The following SASH1 variants were observed in gnomAD, a reference collection of about 807,000 sequenced individuals.
SASH1 encodes SAM and SH3 domain-containing protein 1.
A neutral mutation model predicts 125.2 loss-of-function variants in SASH1; 44 were observed. That is an observed-to-expected ratio of 0.35 (90% confidence interval 0.28 to 0.45). The LOEUF (loss-of-function observed/expected upper bound fraction) is 0.45. SASH1 is among the 20% of genes least tolerant of loss of function. The pLI, the probability that SASH1 is intolerant of heterozygous loss-of-function variation, is 1.00. For missense variants in SASH1, 1,426 were observed against 1,614.5 expected, an observed-to-expected ratio of 0.88 and a Z score of 2.00; for synonymous variants, 639 against 649.1, an observed-to-expected ratio of 0.98 and a Z score of 0.24.
intron 1 of SASH1, among the ~76,000 whole-genome samples, chr6:148,303,012 A>G (rs1780014588): frequency 6.6e-6 from 1 of 151,688 alleles, no homozygotes; most frequent in African/African-American, 2.4e-5. Context: ...CGGAGTTTTG[A>G]TCTTGTTGCT....
chr6:148,322,900 C>CTTTCTTTCTTTCTT (rs1443698620), intron 1 of SASH1, among the ~76,000 whole-genome samples: 1 of 129,268 alleles, frequency 7.7e-6, no homozygotes, highest in Non-Finnish European at 1.7e-5. Context: ...TTCTTTCTTT[C>CTTTCTTTCTTTCTT]TCTCTCTTTC....
intron 5 of SASH1, 116 bp from the exon 6 acceptor site, chr6:148,471,301 A>G (rs1778095004): frequency 3.0e-6 from 2 of 665,134 alleles, no homozygotes; most frequent in South Asian, 4.2e-5. Context: ...CTTTTGTGAA[A>G]TCAAAGTATT....
At chr6:148,527,666 A>T in intron 12 of SASH1, 70 bp downstream of exon 12, 1 of 1,472,378 alleles carries the variant, frequency 6.8e-7, no homozygotes, top group African/African-American at 1.4e-5. Flanking sequence ...GGCCCTTCTG[A>T]GATTTTAAAT....
intron 4 of SASH1, among the ~76,000 whole-genome samples, chr6:148,456,768 G>A (rs1165569738): frequency 2.0e-5 from 3 of 151,804 alleles, no homozygotes; most frequent in African/African-American, 7.3e-5. Context: ...GGCTGAGGAG[G>A]TGGGAGGATC....
chr6:148,525,967 T>C (rs1047815651), intron 11 of SASH1, among the ~76,000 whole-genome samples: 1 of 151,586 alleles, frequency 6.6e-6, no homozygotes, highest in African/African-American at 2.4e-5. Context: ...GGTCATAGTC[T>C]AGGGACAGGC....
At chr6:148,388,337 T>G (rs962859157) in intron 1 of SASH1, among the ~76,000 whole-genome samples, 1 of 152,166 alleles carries the variant, frequency 6.6e-6, no homozygotes, top group Non-Finnish European at 1.5e-5. Flanking sequence ...TTTGTTATTT[T>G]TCTACTGGAC....
intron 7 of SASH1, among the ~76,000 whole-genome samples, chr6:148,477,544 G>GGGAT (rs144921774): frequency 0.4 from 61,162 of 151,344 alleles, 13,376 homozygotes; most frequent in East Asian, 0.64. Flanking sequence ...ATGGCTTTGT[G>GGGAT]GGATGGAGTC....
the SASH1 span, among the ~76,000 whole-genome samples, chr6:148,215,761 C>T: frequency 6.6e-6 from 1 of 152,174 alleles, no homozygotes; most frequent in Non-Finnish European, 1.5e-5. Flanking sequence ...AGTCAACTTG[C>T]TGTGCTTGCT....
chr6:148,491,522 G>A (rs555757764), intron 8 of SASH1, among the ~76,000 whole-genome samples: 2 of 152,210 alleles, frequency 1.3e-5, no homozygotes, highest in East Asian at 1.9e-4. Flanking sequence ...CACCCGCCTC[G>A]GCCTACCAAA....
At chr6:148,305,956 G>A (rs1325143237) in intron 1 of SASH1, among the ~76,000 whole-genome samples, 3 of 152,224 alleles carry the variant, frequency 2.0e-5, no homozygotes, top group Non-Finnish European at 4.4e-5. Flanking sequence ...ATGAGTGCTT[G>A]AGGTGATGAG....
intron 1 of SASH1, among the ~76,000 whole-genome samples, chr6:148,304,552 G>A (rs1780071671): frequency 6.6e-6 from 1 of 152,030 alleles, no homozygotes; most frequent in African/African-American, 2.4e-5. Flanking sequence ...AGAGGTTGCA[G>A]TGAGCCGAGA....
chr6:148,237,020 A>C, the SASH1 span, among the ~76,000 whole-genome samples: 1 of 152,162 alleles, frequency 6.6e-6, no homozygotes, highest in Admixed American at 6.5e-5. Context: ...GGGCCCCTTG[A>C]CCTTGGACTT....
At chr6:148,342,509 A>G (rs2114629817), upstream of SASH1, 1 of 152,264 alleles carries the variant, frequency 6.6e-6, no homozygotes, top group African/African-American at 2.4e-5. Flanking sequence ...TTTCCATGCA[A>G]AGAGCCTGAC....
At chr6:148,387,116 TC>T (rs1783404255) in intron 1 of SASH1, among the ~76,000 whole-genome samples, 1 of 130,098 alleles carries the variant, frequency 7.7e-6, no homozygotes. Context: ...TTCTTTCTTT[TC>T]TTTTTTTTTT....
chr6:148,535,369 T>C (rs754694216), intron 16 of SASH1, among the ~76,000 whole-genome samples: 2 of 152,172 alleles, frequency 1.3e-5, no homozygotes, highest in East Asian at 1.9e-4. Context: ...CAGCAGGCCA[T>C]TGGGACAGCT....
At chr6:148,434,063 ATTTTTTTTTTTTTTTTTT>A (rs758854072) in intron 2 of SASH1, among the ~76,000 whole-genome samples, 39 of 69,426 alleles carry the variant, frequency 5.6e-4, no homozygotes, top group African/African-American at 1.7e-3. Context: ...GGAACTGGAG[ATTTTTTTTTTTTTTTTTT>A]TTTTTTTTTT....
the SASH1 span, among the ~76,000 whole-genome samples, chr6:148,218,603 CAGA>C: frequency 6.6e-6 from 1 of 152,152 alleles, no homozygotes; most frequent in African/African-American, 2.4e-5. Context: ...GCTCTGGTGG[CAGA>C]AGGAGAGCTG....
At chr6:148,396,459 A>G (rs1783954194) in intron 2 of SASH1, among the ~76,000 whole-genome samples, 1 of 131,616 alleles carries the variant, frequency 7.6e-6, no homozygotes, top group East Asian at 2.4e-4. Context: ...CCTGGGTGCC[A>G]GAGTGAGACT....
In SASH1 at chr6:148,320,424, A is replaced by G. The variant is rs75516260; in HGVS notation, n.74+48047A>G. ...ACCTTCACATTAGTGAAGTGTTCCA[A>G]ATTTTACTCCCTCTCTCCCTAATGT... is the stretch of plus-strand genomic sequence containing the variant. On this transcript the variant is annotated intron_variant and non_coding_transcript_variant, in intron 1 of 3. Coordinates refer to the SASH1 transcript ENST00000367469. 3.0e-3 allele frequency among the ~76,000 whole-genome samples: 451 copies of G among 152,266 alleles called. 3 individuals are homozygous for G. The highest frequency in any genetic ancestry group is 0.01 in the African/African-American group (436 of 41,552).
Sources: allele counts gnomAD v4.1 joint callset (sites outside exome capture counted in the v4.1 genomes callset), GRCh38; gene constraint gnomAD v4.1.1; transcripts MANE v1.5; gene names NCBI Gene and HGNC (gene_info 2026-07-23, HGNC 2026-07-21).